Variants in HIPK2 observed in about 807,000 individuals in gnomAD.
HIPK2 encodes the protein homeodomain interacting protein kinase 2.
Under a neutral mutation model 113.7 loss-of-function variants are expected in HIPK2, and 27 were observed. The observed-to-expected ratio is 0.24, with a 90% confidence interval of 0.17 to 0.33. HIPK2 has a LOEUF of 0.33. HIPK2 is among the 10% of genes least tolerant of loss of function. The pLI is 1.00. For synonymous variants in HIPK2, 631 were observed against 642.2 expected, an observed-to-expected ratio of 0.98 and a Z score of 0.26; for missense variants, 1,257 against 1,588.0, an observed-to-expected ratio of 0.79 and a Z score of 3.54.
intron 2 of HIPK2, among the ~76,000 whole-genome samples, chr7:139,645,144 C>T (rs538178935): frequency 8.6e-4 from 131 of 152,308 alleles, no homozygotes; most frequent in African/African-American, 2.7e-3. Context: ...GGAGAAGCCC[C>T]GAATCCCCAA....
Position 139,653,527 on chromosome 7 carries a change from A to T in HIPK2, c.1104-21802T>A, listed in dbSNP as rs555567825. Among the ~76,000 whole-genome samples the T allele has an allele frequency of 3.3e-5, 5 of 151,706 alleles. No individual in the cohort carries two copies. In the South Asian group the frequency reaches 1.0e-3, roughly 32 times the overall value. On this transcript the variant is annotated intron_variant, in intron 2 of 14. Coordinates refer to ENST00000406875, the MANE Select transcript of HIPK2 (RefSeq NM_022740.5). ...AGGAGGCCTCTGCCTCCTGTTACAG[A>T]CATGCCATTGAGAGGCACAGGTGAT...
At chr7:139,712,666 G>A (rs1415166340) in intron 2 of HIPK2, among the ~76,000 whole-genome samples, 1 of 152,166 alleles carries the variant, frequency 6.6e-6, no homozygotes, top group Admixed American at 6.5e-5. Context: ...TCTGGGACAT[G>A]GGCCTTAACG....
At chr7:139,697,445 A>G (rs1352346142) in intron 2 of HIPK2, among the ~76,000 whole-genome samples, 2 of 152,316 alleles carry the variant, frequency 1.3e-5, no homozygotes, top group East Asian at 3.9e-4. Flanking sequence ...CGACACAAAC[A>G]CAGCTCTCAA....
intron 12 of HIPK2, among the ~76,000 whole-genome samples, chr7:139,585,036 ATTTATTG>A (rs934629113): frequency 2.6e-5 from 4 of 152,196 alleles, no homozygotes; most frequent in African/African-American, 9.7e-5. Flanking sequence ...TGGATGTGAA[ATTTATTG>A]TTTATTGTGT....
chr7:139,764,993 G>C (rs946289161), intron 1 of HIPK2, among the ~76,000 whole-genome samples: 1 of 151,772 alleles, frequency 6.6e-6, no homozygotes, highest in Non-Finnish European at 1.5e-5. Context: ...AAAATTAGCC[G>C]GGCATGGTGG....
chr7:139,699,216 C>T (rs1168972762), intron 2 of HIPK2, among the ~76,000 whole-genome samples: 2 of 151,996 alleles, frequency 1.3e-5, no homozygotes, highest in Middle Eastern at 3.2e-3. Flanking sequence ...TCCCCAGGGC[C>T]GCAGGGAGTA....
intron 1 of HIPK2, among the ~76,000 whole-genome samples, chr7:139,766,444 T>C (rs1468995521): frequency 6.6e-6 from 1 of 152,234 alleles, no homozygotes; most frequent in Admixed American, 6.5e-5. Context: ...CCAAGTGCTG[T>C]ACATTCACCA....
intron 9 of HIPK2, among the ~76,000 whole-genome samples, chr7:139,609,317 A>T (rs192684005): frequency 6.6e-6 from 1 of 152,224 alleles, no homozygotes; most frequent in Admixed American, 6.5e-5. Context: ...TACCATTTCC[A>T]CCTGCCATGC....
In HIPK2 at chr7:139,614,477, C is replaced by A; in HGVS notation, c.1799G>T (p.Ser600Ile). ...GGGATTGGCTAAGGAAATAGTGGCACTGGTAGAGGAGGGAGCCTAAAGGAG... is the reference window on the plus strand; with the variant it reads ...GGGATTGGCTAAGGAAATAGTGGCAATGGTAGAGGAGGGAGCCTAAAGGAG... ...TVHNQAPSST[S>I]ATISLANPEV... Residue 600 changes from serine (S) to isoleucine (I), a missense_variant, in exon 8 of 15, where the codon AGT becomes ATT. Physicochemically the swap from Ser to Ile is moderately radical, Grantham distance 142. Around this residue, in one of 5 missense-constraint regions of HIPK2, gnomAD observed 862 missense variants for 1,004.3 expected, o/e 0.86. Transcript: ENST00000406875. The A allele has an allele frequency of 1.4e-6, 2 of 1,430,298 alleles. No individual in the cohort carries two copies. The highest frequency in any genetic ancestry group is 2.4e-5 in the Admixed American group (1 of 40,852). 88.6% of individuals were successfully genotyped at this position (1,430,298 alleles called of 1,614,324 possible).
At chr7:139,624,901 T>C (rs1026685004) in intron 6 of HIPK2, among the ~76,000 whole-genome samples, 2 of 152,188 alleles carry the variant, frequency 1.3e-5, no homozygotes, top group African/African-American at 4.8e-5. Context: ...ACCTCAGGGC[T>C]CAACAATTCC....
chr7:139,599,759 A>G (rs1274888239), intron 11 of HIPK2, among the ~76,000 whole-genome samples: 1 of 152,226 alleles, frequency 6.6e-6, no homozygotes, highest in Non-Finnish European at 1.5e-5. Flanking sequence ...TTCCAAAATG[A>G]AACTTCAGGT....
intron 11 of HIPK2, among the ~76,000 whole-genome samples, chr7:139,597,699 T>A (rs1334726772): frequency 6.6e-6 from 1 of 152,218 alleles, no homozygotes; most frequent in East Asian, 1.9e-4. Context: ...AATAGAAAAT[T>A]TGGAAAAGTG....
intron 1 of HIPK2, among the ~76,000 whole-genome samples, chr7:139,724,315 C>CT (rs1296599871): frequency 6.6e-6 from 1 of 152,026 alleles, no homozygotes; most frequent in African/African-American, 2.4e-5. Context: ...AATAATCCTG[C>CT]TTATTAAGTT....
At chr7:139,590,635 A>G (rs894173523) in intron 12 of HIPK2, among the ~76,000 whole-genome samples, 4 of 152,228 alleles carry the variant, frequency 2.6e-5, no homozygotes, top group African/African-American at 9.6e-5. Context: ...ACTACAGCTT[A>G]AAGTGCTTTA....
intron 1 of HIPK2, among the ~76,000 whole-genome samples, chr7:139,765,520 G>T (rs1796538473): frequency 6.6e-6 from 1 of 152,172 alleles, no homozygotes; most frequent in Non-Finnish European, 1.5e-5. Flanking sequence ...TTCAGGGCAG[G>T]AATTTTATCT....
At chr7:139,594,000 A>G (rs545825980) in intron 12 of HIPK2, among the ~76,000 whole-genome samples, 2 of 151,246 alleles carry the variant, frequency 1.3e-5, no homozygotes, top group East Asian at 3.9e-4. Flanking sequence ...GTAAGGGGAG[A>G]TCCCTCCCCA....
intron 2 of HIPK2, among the ~76,000 whole-genome samples, chr7:139,667,339 T>C (rs1233915454): frequency 6.6e-6 from 1 of 152,168 alleles, no homozygotes; most frequent in Non-Finnish European, 1.5e-5. Flanking sequence ...AGTTGGATAA[T>C]CACATATACA....
At chr7:139,660,148 A>G (rs930129664) in intron 2 of HIPK2, among the ~76,000 whole-genome samples, 2 of 152,220 alleles carry the variant, frequency 1.3e-5, no homozygotes, top group African/African-American at 2.4e-5. Context: ...TTGTAGCCCA[A>G]CTGGTCAAGG....
At chr7:139,734,934 G>A (rs1045616509) in intron 1 of HIPK2, among the ~76,000 whole-genome samples, 9 of 152,300 alleles carry the variant, frequency 5.9e-5, no homozygotes, top group African/African-American at 1.9e-4. Context: ...TTGACAAGCC[G>A]TATGATTTGT....
Sources: allele counts gnomAD v4.1 joint callset (sites outside exome capture counted in the v4.1 genomes callset), GRCh38; gene constraint gnomAD v4.1.1; regional missense constraint gnomAD v4.1.1; transcripts MANE v1.5; gene names NCBI Gene and HGNC (gene_info 2026-07-23, HGNC 2026-07-21).